The following PARD3B variants were observed in gnomAD, a reference collection of about 807,000 sequenced individuals.
PARD3B encodes the protein par-3 family cell polarity regulator beta.
A neutral mutation model predicts 130.2 loss-of-function variants in PARD3B; 103 were observed. The ratio of observed to expected loss-of-function variants is 0.79; its 90% confidence interval spans 0.67 to 0.93. The LOEUF is 0.93. Ranked by LOEUF, PARD3B falls within the 40% of genes least tolerant of loss-of-function variation. The pLI, the probability that PARD3B is intolerant of heterozygous loss-of-function variation, is 0.00. For missense variants in PARD3B, 1,609 were observed against 1,499.2 expected (o/e 1.07, Z -1.21); for synonymous variants, 583 against 553.2 (o/e 1.05, Z -0.76).
In PARD3B at chr2:205,331,782, C is replaced by CAAAAAAAAAAAAAAAAAAAAAA. The variant is rs56654511; in HGVS notation, c.2630+30083_2630+30104dup. On this transcript the variant is annotated intron_variant, in intron 18 of 22. Coordinates refer to ENST00000406610, the MANE Select transcript of PARD3B (RefSeq NM_001302769.2). ...TGGGCGACAGAGTGAGACTCCGTCT[C>CAAAAAAAAAAAAAAAAAAAAAA]AAAAAAAAAAAAAAAAAAAAAAAGA... Among the ~76,000 whole-genome samples the CAAAAAAAAAAAAAAAAAAAAAA allele has an allele frequency of 1.7e-3, 81 of 48,394 alleles. 11 individuals are homozygous for CAAAAAAAAAAAAAAAAAAAAAA. Among genetic ancestry groups the CAAAAAAAAAAAAAAAAAAAAAA allele is most frequent in the African/African-American group, 8.3e-3 (77 of 9,300 alleles). 31.7% of individuals were successfully genotyped at this position (48,394 alleles called of 152,430 possible).
Position 205,617,900 on chromosome 2 carries a change from A to G in PARD3B, c.*2087A>G, listed in dbSNP as rs1226455698. ...ACCAAACTACTGTAGACTACTAAACATAGCCAAGCCAGAACATTCCTTCTG... is the reference window on the plus strand; with the variant it reads ...ACCAAACTACTGTAGACTACTAAACGTAGCCAAGCCAGAACATTCCTTCTG... On this transcript the variant is annotated 3_prime_UTR_variant, in exon 23 of 23. Coordinates refer to ENST00000406610, the MANE Select transcript of PARD3B (RefSeq NM_001302769.2). 2 of 152,256 alleles carry G rather than the reference A, an allele frequency of 1.3e-5. No individual in the cohort carries two copies. Among genetic ancestry groups the G allele is most frequent in the African/African-American group, 4.8e-5 (2 of 41,458 alleles). The allele number at this position is 152,256 out of a possible 1,614,324, so 9.4% of individuals were successfully genotyped here.
intron 5 of PARD3B, among the ~76,000 whole-genome samples, chr2:205,109,634 T>C (rs1703476326): frequency 6.7e-6 from 1 of 148,196 alleles, no homozygotes; most frequent in African/African-American, 2.5e-5. Context: ...ACAACTCTAA[T>C]AGGGAAATAC....
At chr2:204,607,410 A>T (rs541912448) in intron 1 of PARD3B, among the ~76,000 whole-genome samples, 22 of 152,280 alleles carry the variant, frequency 1.4e-4, no homozygotes, top group African/African-American at 5.3e-4. Flanking sequence ...CTATTAGAGA[A>T]GGCAAATAGA....
At chr2:205,532,957 A>G (rs1270053070) in intron 21 of PARD3B, among the ~76,000 whole-genome samples, 2 of 152,212 alleles carry the variant, frequency 1.3e-5, no homozygotes, top group East Asian at 1.9e-4. Context: ...TAATTGCTGC[A>G]TATTTAGCAA....
At chr2:204,925,867 T>C (rs1235230389) in intron 2 of PARD3B, among the ~76,000 whole-genome samples, 1 of 152,050 alleles carries the variant, frequency 6.6e-6, no homozygotes, top group African/African-American at 2.4e-5. Context: ...TTTGTGATAA[T>C]GAGTGAATTC....
At chr2:205,505,256 G>A (rs2050313839) in intron 21 of PARD3B, among the ~76,000 whole-genome samples, 1 of 151,956 alleles carries the variant, frequency 6.6e-6, no homozygotes. Flanking sequence ...GGGGGGAGTG[G>A]GGAGGGATAG....
chr2:204,635,445 TG>T (rs1227574768), intron 1 of PARD3B, among the ~76,000 whole-genome samples: 2 of 152,202 alleles, frequency 1.3e-5, no homozygotes, highest in Admixed American at 1.3e-4. Context: ...TAGGATTATT[TG>T]GTTTTACTTG....
intron 16 of PARD3B, among the ~76,000 whole-genome samples, chr2:205,296,888 A>AT (rs571944954): frequency 5.2e-4 from 79 of 151,198 alleles, no homozygotes; most frequent in African/African-American, 1.7e-3. Flanking sequence ...AAAAAAAAAA[A>AT]ATATGTGGCA....
chr2:205,245,754 G>T (rs2039544398), intron 15 of PARD3B, 24 bp from the exon 16 acceptor site: 3 of 1,567,032 alleles, frequency 1.9e-6, no homozygotes, highest in Non-Finnish European at 2.6e-6. Flanking sequence ...TCTGATCCTT[G>T]TCTCTTTTAT....
intron 2 of PARD3B, among the ~76,000 whole-genome samples, chr2:204,755,394 A>G (rs2040624283): frequency 1.3e-5 from 2 of 152,100 alleles, no homozygotes; most frequent in African/African-American, 2.4e-5. Flanking sequence ...TTCAGATGTC[A>G]TTTAGAATTT....
intron 16 of PARD3B, among the ~76,000 whole-genome samples, chr2:205,297,854 A>G (rs1252863631): frequency 6.6e-6 from 1 of 152,226 alleles, no homozygotes; most frequent in Non-Finnish European, 1.5e-5. Context: ...ATATTGCCCA[A>G]CATCAGTTAG....
chr2:205,292,457 A>T lies in PARD3B; in HGVS notation c.2186-8073A>T, dbSNP rs1242035371. On this transcript the variant is annotated intron_variant, in intron 16 of 22. Transcript: ENST00000406610. The surrounding 1 kb of genome is among the most constrained non-coding windows in gnomAD (Gnocchi z 5.3). ...CCACCCAGTCTATGGTATTTTTGTT[A>T]TAGCAGACCACATTAACTCAGGCAC... is the stretch of plus-strand genomic sequence containing the variant. Among the ~76,000 whole-genome samples, 1 of 152,094 alleles carries T rather than the reference A, an allele frequency of 6.6e-6. No homozygotes were observed. The highest frequency in any genetic ancestry group is 1.5e-5 in the Non-Finnish European group (1 of 68,022).
chr2:205,542,832 CTATTTA>C (rs1304617808), intron 21 of PARD3B, among the ~76,000 whole-genome samples: 2 of 152,118 alleles, frequency 1.3e-5, no homozygotes, highest in Non-Finnish European at 2.9e-5. Context: ...AATTGTTAGA[CTATTTA>C]TAGTTTATTT....
chr2:205,587,562 T>C (rs2054242521), intron 22 of PARD3B, among the ~76,000 whole-genome samples: 1 of 152,180 alleles, frequency 6.6e-6, no homozygotes, highest in African/African-American at 2.4e-5. Context: ...TGGTACCTCA[T>C]TGTGTTGGCA....
intron 2 of PARD3B, among the ~76,000 whole-genome samples, chr2:204,963,160 A>T (rs1690904426): frequency 6.6e-6 from 1 of 151,486 alleles, no homozygotes; most frequent in South Asian, 2.1e-4. Flanking sequence ...GCTACCATTT[A>T]GTCAGTGACC....
intron 1 of PARD3B, among the ~76,000 whole-genome samples, chr2:204,582,685 A>G (rs2032623901): frequency 1.3e-5 from 2 of 152,324 alleles, no homozygotes; most frequent in Admixed American, 6.5e-5. Flanking sequence ...TCAACCAGCT[A>G]AGTTCATGCC....
chr2:205,257,860 CTT>C (rs1014943412), intron 16 of PARD3B, among the ~76,000 whole-genome samples: 14 of 152,154 alleles, frequency 9.2e-5, no homozygotes, highest in African/African-American at 3.4e-4. Flanking sequence ...TTCAGGGAAT[CTT>C]AGTTTGAGCA....
chr2:205,348,957 TA>T (rs1384096349), intron 18 of PARD3B, among the ~76,000 whole-genome samples: 2 of 152,132 alleles, frequency 1.3e-5, no homozygotes, highest in East Asian at 3.9e-4. Flanking sequence ...AAAATTCAGG[TA>T]AGATAAAAAA....
chr2:204,584,259 G>A (rs929491381), intron 1 of PARD3B, among the ~76,000 whole-genome samples: 2 of 152,122 alleles, frequency 1.3e-5, no homozygotes, highest in African/African-American at 4.8e-5. Context: ...TTTCCTCAAG[G>A]TATTTATGGT....
Sources: gnomAD v4.1 joint callset for allele counts (sites outside exome capture counted in the v4.1 genomes callset) on GRCh38, gnomAD v4.1.1 for gene constraint, Gnocchi (gnomAD v3.1) non-coding constraint, MANE v1.5 for transcripts, NCBI Gene and HGNC (gene_info 2026-07-23, HGNC 2026-07-21) for gene names.